Variants in VWA3A observed in about 807,000 individuals in gnomAD.
VWA3A encodes von Willebrand factor A domain containing 3A.
In VWA3A, 134 loss-of-function variants were observed where a neutral mutation model predicts 160.4. The ratio of observed to expected loss-of-function variants is 0.84; its 90% CI spans 0.73 to 0.96. The LOEUF (loss-of-function observed/expected upper bound fraction) is 0.96. Among genes scored for constraint, VWA3A ranks in the 40% least tolerant of loss-of-function variants. VWA3A has a pLI of 0.00. For synonymous variants in VWA3A, 476 were observed against 543.4 expected, an observed-to-expected ratio of 0.88 and a Z score of 1.72; for missense variants, 1,310 against 1,447.9, an observed-to-expected ratio of 0.90 and a Z score of 1.55.
intron 19 of VWA3A, 31 bp downstream of exon 19, chr16:22,131,760 T>C: frequency 6.3e-7 from 1 of 1,598,156 alleles, no homozygotes; most frequent in Admixed American, 1.7e-5. Flanking sequence ...GTGTCCATTA[T>C]CCTTTGCGAC....
chr16:22,155,767 C>T (rs2046430212), intron 32 of VWA3A, 84 bp from the exon 33 acceptor site: 2 of 1,607,176 alleles, frequency 1.2e-6, no homozygotes, highest in East Asian at 4.5e-5. Context: ...ACCCTTGCTC[C>T]AAGGGTTCCT....
intron 9 of VWA3A, chr16:22,116,205 GAAAGAAGGA>G (rs922268091): frequency 1.4e-4 from 50 of 353,860 alleles, no homozygotes; most frequent in Admixed American, 5.5e-4. Flanking sequence ...AAAGAGAAAG[GAAAGAAGGA>G]AGAGAAGGAA....
chr16:22,118,818 G>GA, intron 11 of VWA3A, 84 bp from the exon 12 acceptor site: 1 of 1,568,128 alleles, frequency 6.4e-7, no homozygotes, highest in Non-Finnish European at 8.7e-7. Context: ...CCTGGGCATT[G>GA]GCCTGGCTGC....
intron 6 of VWA3A, among the ~76,000 whole-genome samples, chr16:22,105,360 G>T (rs1330132080): frequency 6.6e-6 from 1 of 152,170 alleles, no homozygotes; most frequent in African/African-American, 2.4e-5. Flanking sequence ...AGCTTACCAG[G>T]TCCCTGGGTG....
chr16:22,154,942 C>T (rs2046413540), intron 31 of VWA3A, among the ~76,000 whole-genome samples: 1 of 114,052 alleles, frequency 8.8e-6, no homozygotes, highest in African/African-American at 3.3e-5. Context: ...GCCTGGGCGA[C>T]AGAGCGAGAC....
rs1432421987 is a variant in VWA3A at position 22,123,540 on chromosome 16, C to T, written c.1438-73C>T. 4 of 1,612,036 alleles carry T rather than the reference C, an allele frequency of 2.5e-6. No individual in the cohort carries two copies. In the East Asian group the frequency reaches 8.9e-5, roughly 36 times the overall value. ...CCATTCCCTGAAGCCCACCCAGGTA[C>T]ACGTACTTCCCCTCAGGCCCCTTGG... On this transcript the variant is annotated intron_variant, in intron 15 of 33. Coordinates refer to ENST00000389398, the MANE Select transcript of VWA3A (RefSeq NM_173615.5).
intron 26 of VWA3A, 26 bp downstream of exon 26, chr16:22,144,410 T>A (rs1483465305): frequency 1.9e-6 from 3 of 1,604,522 alleles, no homozygotes; most frequent in Non-Finnish European, 1.7e-6. Flanking sequence ...CATCATCGTC[T>A]TTTTTTTCTC....
At chr16:22,102,759 A>G (rs1445284855) in intron 5 of VWA3A, among the ~76,000 whole-genome samples, 1 of 152,192 alleles carries the variant, frequency 6.6e-6, no homozygotes, top group African/African-American at 2.4e-5. Context: ...GAAGACACAG[A>G]TTTGAGCAAG....
intron 8 of VWA3A, among the ~76,000 whole-genome samples, chr16:22,114,252 A>T (rs1382729927): frequency 1.3e-5 from 2 of 152,174 alleles, no homozygotes; most frequent in African/African-American, 4.8e-5. Context: ...GAAAGAACAG[A>T]CCTCTTTCAC....
At chr16:22,109,030 A>G (rs1412352331) in intron 6 of VWA3A, among the ~76,000 whole-genome samples, 1 of 152,226 alleles carries the variant, frequency 6.6e-6, no homozygotes, top group South Asian at 2.1e-4. Context: ...AAGAAACATA[A>G]TTAGCAACTC....
Position 22,110,462 on chromosome 16 carries a change from G to C in VWA3A, c.583-426G>C, listed in dbSNP as rs139582540. On this transcript the variant is annotated intron_variant, in intron 7 of 33. Coordinates refer to ENST00000389398, the MANE Select transcript of VWA3A (RefSeq NM_173615.5). ...CTCCCCCTTCATGACAAGTCCTCAG[G>C]ACGGAGTTTCCAAAGATCCCCCAGG... Among the ~76,000 whole-genome samples the C allele has an allele frequency of 5.2e-4, 79 of 152,306 alleles. 1 individual carries two copies. The East Asian group carries it at 0.014, about 27-fold the overall frequency.
intron 25 of VWA3A, 76 bp downstream of exon 25, chr16:22,142,841 T>TG (rs929083899): frequency 4.1e-5 from 46 of 1,113,716 alleles, no homozygotes; most frequent in Middle Eastern, 3.9e-4. Flanking sequence ...ACTTCTAGGA[T>TG]GGGGGGGCAT....
At chr16:22,104,245 T>C (rs2045449387) in intron 6 of VWA3A, among the ~76,000 whole-genome samples, 2 of 152,106 alleles carry the variant, frequency 1.3e-5, no homozygotes, top group African/African-American at 4.8e-5. Context: ...CCCAGCACAT[T>C]GAGAGGCCTA....
intron 3 of VWA3A, among the ~76,000 whole-genome samples, chr16:22,099,707 G>A (rs765694648): frequency 7.9e-5 from 12 of 152,144 alleles, no homozygotes; most frequent in Non-Finnish European, 1.5e-4. Flanking sequence ...CCAGAACTTC[G>A]AAGCTGCAGT....
At position 22,141,567 on chromosome 16, in the gene VWA3A, C is replaced by A; in HGVS notation, c.2384-15C>A. On this transcript the variant is annotated splice_polypyrimidine_tract_variant and intron_variant, in intron 23 of 33. Coordinates refer to ENST00000389398, the MANE Select transcript of VWA3A (RefSeq NM_173615.5). ...GCATGCAGCTGCTCCAGCCAACAAG[C>A]CAAATGTTCCTCAGCTGCGGCCCAG... 1 of 1,599,566 alleles carries A rather than the reference C, an allele frequency of 6.3e-7. No homozygotes were observed. Among genetic ancestry groups the A allele is most frequent in the South Asian group, 1.1e-5 (1 of 88,280 alleles).
At position 22,133,091 on chromosome 16, in the gene VWA3A, C is replaced by T; in HGVS notation, c.2064C>T (p.Asp688=). Residue 688 remains aspartate (D), a synonymous_variant, in exon 20 of 34, where the codon GAC becomes GAT. Coordinates refer to ENST00000389398, the MANE Select transcript of VWA3A (RefSeq NM_173615.5). ...AAGGRFHWFG[D]TGIYESDDIN... is the part of the protein sequence containing the mutation. ...GTGGCCGCTTCCACTGGTTTGGAGA[C>T]ACAGGTACATGACTGTTTCCTCATC... The T allele has an allele frequency of 6.2e-7, 1 of 1,611,822 alleles. No individual in the cohort carries two copies. The highest frequency in any genetic ancestry group is 8.5e-7 in the Non-Finnish European group (1 of 1,179,022).
At chr16:22,125,384 A>T (rs765422543) in intron 16 of VWA3A, among the ~76,000 whole-genome samples, 5 of 149,750 alleles carry the variant, frequency 3.3e-5, no homozygotes, top group Non-Finnish European at 7.4e-5. Context: ...AGACCGTCTA[A>T]ATATATATAT....
intron 17 of VWA3A, among the ~76,000 whole-genome samples, chr16:22,128,893 C>T (rs2045898069): frequency 6.6e-6 from 1 of 151,972 alleles, no homozygotes; most frequent in Non-Finnish European, 1.5e-5. Context: ...AACACATGGA[C>T]ACATAAAGGG....
At position 22,140,308 on chromosome 16, in the gene VWA3A, A is replaced by G; in HGVS notation, c.2383+64A>G. The stretch of plus-strand genomic sequence containing the variant: ...CACGGTCACGGCTGAGGCATGGGTT[A>G]ATAATGATAGTAACTAGAGCCACGT... On this transcript the variant is annotated intron_variant, in intron 23 of 33. Coordinates refer to ENST00000389398, the MANE Select transcript of VWA3A (RefSeq NM_173615.5). 1.9e-5 allele frequency: 28 copies of G among 1,506,110 alleles called. 1 individual carries two copies. In the South Asian group the frequency reaches 2.9e-4, roughly 16 times the overall value. 93.3% of individuals were successfully genotyped at this position (1,506,110 alleles called of 1,614,324 possible).
Sources: allele counts gnomAD v4.1 joint callset (sites outside exome capture counted in the v4.1 genomes callset), GRCh38; gene constraint gnomAD v4.1.1; transcripts MANE v1.5; gene names NCBI Gene and HGNC (gene_info 2026-07-23, HGNC 2026-07-21).